The following KCNH8 variants were observed in gnomAD, a reference collection of about 807,000 sequenced individuals.
The protein encoded by KCNH8 is voltage-gated delayed rectifier potassium channel KCNH8.
KCNH8 carries 70 observed loss-of-function variants against 103.6 expected under a neutral mutation model. That is an observed-to-expected ratio of 0.68 (90% CI 0.56 to 0.82). The LOEUF (loss-of-function observed/expected upper bound fraction) is 0.82, where lower values mean the gene tolerates loss of function less well. Ranked by LOEUF, KCNH8 falls within the 40% of genes least tolerant of loss-of-function variation. KCNH8 has a pLI of 0.00. For missense variants in KCNH8, 1,217 were observed against 1,329.9 expected (o/e 0.92, Z 1.32); for synonymous variants, 498 against 489.4 (o/e 1.02, Z -0.23).
chr3:19,322,089 A>C (rs2065357574), intron 3 of KCNH8, among the ~76,000 whole-genome samples: 1 of 152,050 alleles, frequency 6.6e-6, no homozygotes, highest in Admixed American at 6.6e-5. Flanking sequence ...CTGACATATC[A>C]GGTGAGTCTC....
chr3:19,172,083 T>A (rs923913628), intron 1 of KCNH8, among the ~76,000 whole-genome samples: 1 of 152,216 alleles, frequency 6.6e-6, no homozygotes, highest in Non-Finnish European at 1.5e-5. Context: ...CTTTTTCTTC[T>A]GACATCTGTT....
intron 1 of KCNH8, among the ~76,000 whole-genome samples, chr3:19,182,074 C>A (rs2063458510): frequency 1.3e-5 from 2 of 152,110 alleles, no homozygotes; most frequent in South Asian, 4.1e-4. Context: ...CAAAACTGTT[C>A]TTTTATATAC....
rs2069229090 is a variant in KCNH8 at position 19,534,341 on chromosome 3, CTT to C, written c.*244_*245del. 2.0e-6 allele frequency: 1 copy of C among 508,678 alleles called. No individual in the cohort carries two copies. The highest frequency in any genetic ancestry group is 3.5e-6 in the Non-Finnish European group (1 of 289,230). The allele number at this position is 508,678 out of a possible 1,614,324, so 31.5% of individuals were successfully genotyped here. Reference sequence around the variant, plus strand: ...TTAAACTACTGGTCTGTTTGACAGACTTTGGTAACAATCCAAAGACCCTGAGG... The same window carrying C: ...TTAAACTACTGGTCTGTTTGACAGACTGGTAACAATCCAAAGACCCTGAGG... On this transcript the variant is annotated 3_prime_UTR_variant, in exon 16 of 16. Coordinates refer to ENST00000328405, the MANE Select transcript of KCNH8 (RefSeq NM_144633.3).
At chr3:19,235,262 G>T (rs1032041489) in intron 1 of KCNH8, among the ~76,000 whole-genome samples, 2 of 152,132 alleles carry the variant, frequency 1.3e-5, no homozygotes, top group Non-Finnish European at 2.9e-5. Context: ...AAGTTCATCG[G>T]GAGGGGGTAA....
At chr3:19,151,443 A>G (rs542374361) in intron 1 of KCNH8, among the ~76,000 whole-genome samples, 4 of 150,980 alleles carry the variant, frequency 2.6e-5, no homozygotes, top group Non-Finnish European at 5.9e-5. Context: ...TTTATTTTGG[A>G]CAATTTTTAT....
chr3:19,202,422 A>T (rs546819997), intron 1 of KCNH8, among the ~76,000 whole-genome samples: 4 of 152,216 alleles, frequency 2.6e-5, no homozygotes, highest in African/African-American at 9.6e-5. Flanking sequence ...ATAGTCAATG[A>T]CCAGCCTGTC....
intron 7 of KCNH8, among the ~76,000 whole-genome samples, chr3:19,419,208 T>C (rs979684846): frequency 7.1e-6 from 1 of 141,698 alleles, no homozygotes; most frequent in Admixed American, 7.0e-5. Flanking sequence ...TTTTTTTTTT[T>C]TTTTTTTTTG....
intron 1 of KCNH8, among the ~76,000 whole-genome samples, chr3:19,220,005 T>C (rs1006288863): frequency 2.0e-5 from 3 of 152,228 alleles, no homozygotes; most frequent in Admixed American, 6.5e-5. Flanking sequence ...TTACATCTAC[T>C]TGCCTTAATA....
At position 19,533,655 on chromosome 3, in the gene KCNH8, T is replaced by C. The variant is rs752152864; in HGVS notation, c.2880T>C (p.Ser960=). 27 of 1,613,888 alleles carry C rather than the reference T, an allele frequency of 1.7e-5. No individual in the cohort carries two copies. The highest frequency in any genetic ancestry group is 4.0e-5 in the African/African-American group (3 of 74,872). Residue 960 remains serine (S), a synonymous_variant, in exon 16 of 16, where the codon AGT becomes AGC. Coordinates refer to ENST00000328405, the MANE Select transcript of KCNH8 (RefSeq NM_144633.3). The stretch of plus-strand genomic sequence containing the variant: ...GTAATATCACCTCAGACATTTGGAG[T>C]GTGGATCCCTCCTCTGTGGGGAGCA... ...CSSNITSDIW[S]VDPSSVGSSP...
chr3:19,398,558 C>T (rs185965145), intron 7 of KCNH8, among the ~76,000 whole-genome samples: 2 of 151,972 alleles, frequency 1.3e-5, no homozygotes, highest in South Asian at 4.2e-4. Context: ...AGAGTGTAGA[C>T]TTCATCATAA....
chr3:19,413,163 T>C (rs2066808655), intron 7 of KCNH8, among the ~76,000 whole-genome samples: 2 of 131,620 alleles, frequency 1.5e-5, no homozygotes, highest in East Asian at 2.2e-4. Context: ...ATGTAGTAAA[T>C]AAGCACCATG....
Position 19,395,302 on chromosome 3 carries a change from T to C in KCNH8, c.1168T>C (p.Trp390Arg), listed in dbSNP as rs764198671. The change falls in exon 7 of 16, where the codon TGG (tryptophan) becomes CGG (arginine). Residue 390 changes from tryptophan (W) to arginine (R), a missense_variant. Around this residue, in one of 3 missense-constraint regions of KCNH8, gnomAD observed 415 missense variants for 577.4 expected, o/e 0.72. Coordinates refer to ENST00000328405, the MANE Select transcript of KCNH8 (RefSeq NM_144633.3). ...GAGGGAAGACAACAGCCTTCTGAAGTGGGAAGTTGGTAAGGGCTTACATTT... is the reference window on the plus strand; with the variant it reads ...GAGGGAAGACAACAGCCTTCTGAAGCGGGAAGTTGGTAAGGGCTTACATTT... ...MEREDNSLLKWEVGWLHELGK... is the reference protein window; with the variant it reads ...MEREDNSLLKREVGWLHELGK... 4 of 1,609,384 alleles carry C rather than the reference T, an allele frequency of 2.5e-6. No homozygotes were observed. Among genetic ancestry groups the C allele is most frequent in the Non-Finnish European group, 3.4e-6 (4 of 1,177,240 alleles).
At chr3:19,258,679 A>G (rs2064377532) in intron 2 of KCNH8, among the ~76,000 whole-genome samples, 1 of 151,810 alleles carries the variant, frequency 6.6e-6, no homozygotes, top group African/African-American at 2.4e-5. Flanking sequence ...CACATTCAGA[A>G]TTTCACCATG....
chr3:19,503,781 G>T (rs2068637290), intron 11 of KCNH8, among the ~76,000 whole-genome samples: 1 of 149,226 alleles, frequency 6.7e-6, no homozygotes, highest in Non-Finnish European at 1.5e-5. Flanking sequence ...ACTATTGTGG[G>T]GTAGGGGGAG....
At chr3:19,248,773 T>G (rs1429818727) in intron 1 of KCNH8, among the ~76,000 whole-genome samples, 1 of 152,134 alleles carries the variant, frequency 6.6e-6, no homozygotes, top group Non-Finnish European at 1.5e-5. Flanking sequence ...TCTTTTTTAT[T>G]TTCATCTTTT....
chr3:19,412,167 ACAT>A (rs1347282719), intron 7 of KCNH8, among the ~76,000 whole-genome samples: 2 of 152,112 alleles, frequency 1.3e-5, no homozygotes, highest in Admixed American at 6.6e-5. Flanking sequence ...CATAGCCAAA[ACAT>A]CATGATACTG....
intron 3 of KCNH8, among the ~76,000 whole-genome samples, chr3:19,333,466 A>C (rs1390579065): frequency 6.6e-6 from 1 of 152,122 alleles, no homozygotes; most frequent in Non-Finnish European, 1.5e-5. Flanking sequence ...TATTGTTTTT[A>C]AATTTCTGCA....
Position 19,483,092 on chromosome 3 carries a change from G to A in KCNH8, c.2040+26110G>A, listed in dbSNP as rs1575121742. ...TCTCTTTTTGTGGGAAGCATAGACA[G>A]GGAAGCTAGGAGTTTGCCTGTTTTT... is the stretch of plus-strand genomic sequence containing the variant. On this transcript the variant is annotated intron_variant, in intron 11 of 15. Transcript: ENST00000328405. Among the ~76,000 whole-genome samples the A allele has an allele frequency of 2.6e-5, 4 of 151,954 alleles. No individual in the cohort carries two copies. The South Asian group carries it at 8.3e-4, about 32-fold the overall frequency.
chr3:19,481,907 A>G (rs115513675), intron 11 of KCNH8, among the ~76,000 whole-genome samples: 111 of 152,312 alleles, frequency 7.3e-4, no homozygotes, highest in African/African-American at 2.5e-3. Flanking sequence ...TGATGGATGA[A>G]GTTGCAGCAG....
Sources: allele counts gnomAD v4.1 joint callset (sites outside exome capture counted in the v4.1 genomes callset), GRCh38; gene constraint gnomAD v4.1.1; regional missense constraint gnomAD v4.1.1; transcripts MANE v1.5; gene names NCBI Gene and HGNC (gene_info 2026-07-23, HGNC 2026-07-21).